The following EIF4G3 variants were observed in gnomAD, a reference collection of about 807,000 sequenced individuals.
EIF4G3 encodes eIF-4-gamma 3.
Under a neutral mutation model 186.4 loss-of-function variants are expected in EIF4G3, and 34 were observed. That is an observed-to-expected ratio of 0.18 (90% confidence interval 0.14 to 0.24). The LOEUF (loss-of-function observed/expected upper bound fraction) is 0.24. Among genes scored for constraint, EIF4G3 ranks in the 10% least tolerant of loss-of-function variants. The pLI is 1.00. For missense variants in EIF4G3, 1,536 were observed against 1,948.5 expected (o/e 0.79, Z 3.99); for synonymous variants, 673 against 679.5 (o/e 0.99, Z 0.15).
intron 2 of EIF4G3, among the ~76,000 whole-genome samples, chr1:21,097,222 G>T (rs777835698): frequency 3.3e-5 from 5 of 152,126 alleles, no homozygotes; most frequent in Non-Finnish European, 4.4e-5. Flanking sequence ...CCTTTCTGGA[G>T]TAAAAGGAGT....
intron 20 of EIF4G3, among the ~76,000 whole-genome samples, chr1:20,869,306 ATTTTTTTTTT>A (rs954573350): frequency 3.1e-5 from 3 of 97,396 alleles, no homozygotes; most frequent in African/African-American, 8.4e-5. Flanking sequence ...TTACTTTAAA[ATTTTTTTTTT>A]TTTTTTTTTT....
chr1:21,007,515 T>TAAAAAAAAAAA (rs368328382), intron 4 of EIF4G3, among the ~76,000 whole-genome samples: 173 of 14,572 alleles, frequency 0.012, 12 homozygotes, highest in East Asian at 0.026. Flanking sequence ...GGCCCCTCCT[T>TAAAAAAAAAAA]AAAAAAAAAA....
intron 2 of EIF4G3, among the ~76,000 whole-genome samples, chr1:21,142,275 G>A (rs1447682074): frequency 1.3e-5 from 2 of 151,704 alleles, no homozygotes; most frequent in Non-Finnish European, 2.9e-5. Context: ...TGCGGTGGGT[G>A]GACTGCTTGA....
Position 20,807,279 on chromosome 1 carries a change from T to G in EIF4G3, c.*40A>C. On this transcript the variant is annotated 3_prime_UTR_variant, in exon 37 of 37. Coordinates refer to ENST00000602326, the MANE Select transcript of EIF4G3 (RefSeq NM_001391906.1). ...GACGTGAAACTTTTTAAAAAAATAC[T>G]TAAATTGTTTCTTTTGTTTCATTTT... The G allele has an allele frequency of 6.5e-7, 1 of 1,541,572 alleles. No homozygotes were observed. The highest frequency in any genetic ancestry group is 8.8e-7 in the Non-Finnish European group (1 of 1,136,722).
intron 14 of EIF4G3, among the ~76,000 whole-genome samples, chr1:20,917,715 T>G (rs1384179421): frequency 6.6e-6 from 1 of 152,158 alleles, no homozygotes; most frequent in Non-Finnish European, 1.5e-5. Flanking sequence ...ATAGAGCATG[T>G]TCCTGTTAAA....
rs1230441226 is a variant in EIF4G3, at chr1:20,865,105, A to G, written c.2769+11T>C. On this transcript the variant is annotated intron_variant, in intron 21 of 36. Transcript: ENST00000602326. ...AGTGTACAAGCACTGTCTTTCTATG[A>G]AAATACTTACAGCACTGGCAGCCTC... 6.2e-7 allele frequency: 1 copy of G among 1,613,956 alleles called. No homozygotes were observed. Among genetic ancestry groups the G allele is most frequent in the Admixed American group, 1.7e-5 (1 of 60,000 alleles).
chr1:20,930,316 T>C (rs1330682403), intron 14 of EIF4G3, among the ~76,000 whole-genome samples: 2 of 152,224 alleles, frequency 1.3e-5, no homozygotes, highest in African/African-American at 4.8e-5. Flanking sequence ...GATTTCTCTG[T>C]ATCATGTGAT....
At chr1:20,952,637 T>G (rs1331948517) in intron 12 of EIF4G3, among the ~76,000 whole-genome samples, 1 of 151,876 alleles carries the variant, frequency 6.6e-6, no homozygotes. Flanking sequence ...TCACCAGAGG[T>G]CAAGAGTTCG....
intron 10 of EIF4G3, among the ~76,000 whole-genome samples, chr1:20,977,746 ATATC>A (rs1257076172): frequency 6.6e-6 from 1 of 152,234 alleles, no homozygotes; most frequent in Non-Finnish European, 1.5e-5. Context: ...AAAATGGTAT[ATATC>A]TAATAGAAAT....
chr1:21,064,954 G>T (rs1412629627), intron 3 of EIF4G3: 6 of 152,090 alleles, frequency 3.9e-5, no homozygotes, highest in African/African-American at 1.4e-4. Flanking sequence ...AGACAAGGTT[G>T]TATGCGAGTC....
intron 2 of EIF4G3, among the ~76,000 whole-genome samples, chr1:21,134,500 T>A (rs1197651508): frequency 6.6e-6 from 1 of 152,020 alleles, no homozygotes; most frequent in African/African-American, 2.4e-5. Flanking sequence ...GAAACCCCCA[T>A]CTCTACTAAA....
chr1:20,917,313 T>C (rs994838907), intron 14 of EIF4G3, among the ~76,000 whole-genome samples: 4 of 152,180 alleles, frequency 2.6e-5, no homozygotes, highest in Admixed American at 6.5e-5. Context: ...CTGGGCAACA[T>C]GGCGAAACGG....
At chr1:21,046,554 T>C (rs764139379) in intron 4 of EIF4G3, among the ~76,000 whole-genome samples, 6 of 152,206 alleles carry the variant, frequency 3.9e-5, no homozygotes, top group African/African-American at 9.6e-5. Flanking sequence ...CCTTAGTAGA[T>C]TGAGGGTCAA....
chr1:20,851,377 T>A lies in EIF4G3; in HGVS notation c.3653A>T (p.Asp1218Val). ...MRGGSSKDLL[D>V]NQSQEEQRRE... ...CCGCTGCTCTTCTTGAGACTGATTGTCTAGCAGGTCTTTACTGCTGCCACC... is the reference window on the plus strand; with the variant it reads ...CCGCTGCTCTTCTTGAGACTGATTGACTAGCAGGTCTTTACTGCTGCCACC... Residue 1218 changes from aspartate (D) to valine (V), a missense_variant, in exon 28 of 37, where the codon GAC (aspartate) becomes GTC (valine). This residue lies in a region of EIF4G3 where 395 missense variants were observed against 498.9 expected (regional missense o/e 0.79). Coordinates refer to ENST00000602326, the MANE Select transcript of EIF4G3 (RefSeq NM_001391906.1). 6.2e-7 allele frequency: 1 copy of A among 1,614,142 alleles called. No individual in the cohort carries two copies. The highest frequency in any genetic ancestry group is 8.5e-7 in the Non-Finnish European group (1 of 1,180,020).
At chr1:21,139,822 TC>T (rs569699694) in intron 2 of EIF4G3, among the ~76,000 whole-genome samples, 89 of 152,274 alleles carry the variant, frequency 5.8e-4, no homozygotes, top group African/African-American at 1.9e-3. Flanking sequence ...TGCTTCAGCC[TC>T]CCGAGTAGCT....
chr1:20,968,941 A>G (rs2075280796), intron 12 of EIF4G3, among the ~76,000 whole-genome samples: 1 of 152,166 alleles, frequency 6.6e-6, no homozygotes, highest in South Asian at 2.1e-4. Flanking sequence ...CCAAGGGATG[A>G]CTGTAATTAA....
intron 2 of EIF4G3, among the ~76,000 whole-genome samples, chr1:21,174,082 T>C (rs571143756): frequency 1.3e-5 from 2 of 152,308 alleles, no homozygotes; most frequent in African/African-American, 4.8e-5. Context: ...CAATAAGAGC[T>C]GTGAAACACA....
chr1:21,006,253 A>G (rs1164729001), intron 4 of EIF4G3, among the ~76,000 whole-genome samples: 1 of 152,212 alleles, frequency 6.6e-6, no homozygotes, highest in African/African-American at 2.4e-5. Context: ...ATTTACTACC[A>G]TGCTTTGTTG....
chr1:20,994,682 C>G (rs908559456), intron 7 of EIF4G3, among the ~76,000 whole-genome samples: 4 of 139,196 alleles, frequency 2.9e-5, no homozygotes, highest in African/African-American at 1.1e-4. Context: ...AGGCTGAGTA[C>G]AGTGGCACAA....
Sources: gnomAD v4.1 joint callset for allele counts (sites outside exome capture counted in the v4.1 genomes callset) on GRCh38, gnomAD v4.1.1 for gene constraint, gnomAD v4.1.1 regional missense constraint, MANE v1.5 for transcripts, NCBI Gene and HGNC (gene_info 2026-07-23, HGNC 2026-07-21) for gene names.